Variants in LRRC1 observed in about 807,000 individuals in gnomAD.
LRRC1 encodes the protein leucine-rich repeat-containing protein 1.
LRRC1 carries 28 observed loss-of-function variants against 69.9 expected under a neutral mutation model. The ratio of observed to expected loss-of-function variants is 0.40; its 90% CI spans 0.30 to 0.55. LRRC1 has a LOEUF of 0.55. Among genes scored for constraint, LRRC1 ranks in the 20% least tolerant of loss-of-function variants. The probability of loss-of-function intolerance (pLI) is 0.47; values close to 1 mark genes in which losing one functional copy is unlikely to be tolerated. For missense variants in LRRC1, 498 were observed against 609.0 expected (o/e 0.82, Z 1.92); for synonymous variants, 236 against 240.2 (o/e 0.98, Z 0.16).
chr6:53,823,031 C>A (rs950011824), intron 1 of LRRC1, among the ~76,000 whole-genome samples: 4 of 152,170 alleles, frequency 2.6e-5, no homozygotes, highest in Admixed American at 6.6e-5. Flanking sequence ...ACACATCTCC[C>A]AACTTTAAGC....
intron 10 of LRRC1, among the ~76,000 whole-genome samples, chr6:53,905,819 T>G (rs1768215782): frequency 6.6e-6 from 1 of 152,244 alleles, no homozygotes; most frequent in African/African-American, 2.4e-5. Context: ...ATCCTTAATA[T>G]GAACACTGTC....
intron 11 of LRRC1, among the ~76,000 whole-genome samples, chr6:53,915,222 A>T (rs896964979): frequency 4.6e-5 from 7 of 152,156 alleles, no homozygotes; most frequent in Admixed American, 4.6e-4. Context: ...TTAGCTGGTC[A>T]TTTTGGTCAG....
intron 1 of LRRC1, among the ~76,000 whole-genome samples, chr6:53,825,418 C>T (rs934251125): frequency 5.9e-5 from 9 of 152,252 alleles, no homozygotes; most frequent in Admixed American, 1.3e-4. Context: ...GAGACTGGGG[C>T]GCCATGTCAG....
Position 53,795,014 on chromosome 6 carries a change from G to C in LRRC1, c.-243G>C, listed in dbSNP as rs1454354225. ...GCGCGGCGGCGGGGGCGGCGACGGC[G>C]ACTGGCGGGTGGGAGTGGAGGCACC... On this transcript the variant is annotated 5_prime_UTR_variant, in exon 1 of 14. Coordinates refer to ENST00000370888, the MANE Select transcript of LRRC1 (RefSeq NM_018214.5). 3 of 331,758 alleles carry C rather than the reference G, an allele frequency of 9.0e-6. No individual in the cohort carries two copies. The highest frequency in any genetic ancestry group is 6.6e-5 in the African/African-American group (3 of 45,478). 20.6% of individuals were successfully genotyped at this position (331,758 alleles called of 1,614,324 possible). A position where few individuals can be genotyped will look rare whatever the true frequency, so the allele number is the denominator to read the frequency against.
chr6:53,867,117 C>T (rs993349996), intron 2 of LRRC1, among the ~76,000 whole-genome samples: 5 of 152,110 alleles, frequency 3.3e-5, no homozygotes, highest in East Asian at 3.9e-4. Context: ...TAAACTTGGA[C>T]GAGTCCCTTA....
chr6:53,797,236 G>C (rs1764328343), intron 1 of LRRC1, among the ~76,000 whole-genome samples: 1 of 152,054 alleles, frequency 6.6e-6, no homozygotes, highest in South Asian at 2.1e-4. Context: ...TCAAAATATA[G>C]TCTGATGGCA....
chr6:53,835,063 A>G (rs183514089), intron 1 of LRRC1, among the ~76,000 whole-genome samples: 2 of 152,314 alleles, frequency 1.3e-5, no homozygotes, highest in East Asian at 1.9e-4. Context: ...ATGTCTACCA[A>G]TTCTGTGCAT....
At chr6:53,796,947 T>A (rs898883081) in intron 1 of LRRC1, among the ~76,000 whole-genome samples, 1 of 152,216 alleles carries the variant, frequency 6.6e-6, no homozygotes, top group Non-Finnish European at 1.5e-5. Context: ...TGTAATTTAA[T>A]AGTTTTCAGG....
chr6:53,836,048 C>T (rs985547804), intron 1 of LRRC1, among the ~76,000 whole-genome samples: 1 of 152,140 alleles, frequency 6.6e-6, no homozygotes, highest in Non-Finnish European at 1.5e-5. Context: ...TTGCCGTTGC[C>T]CTTTTTGAAT....
At chr6:53,802,845 A>G (rs1764525297) in intron 1 of LRRC1, among the ~76,000 whole-genome samples, 1 of 152,230 alleles carries the variant, frequency 6.6e-6, no homozygotes, top group Admixed American at 6.5e-5. Flanking sequence ...ATTCTAGAGT[A>G]ACTTGAAACT....
rs536135206 is a variant in LRRC1 at position 53,904,010 on chromosome 6, G to A, written c.907-369G>A. On this transcript the variant is annotated intron_variant, in intron 9 of 13. Coordinates refer to ENST00000370888, the MANE Select transcript of LRRC1 (RefSeq NM_018214.5). ...CCTGCCCCAGTGCTCTGGCTTCCAC[G>A]GACATCTAAGCCACTGTCCCAGTGT... is the stretch of plus-strand genomic sequence containing the variant. Among the ~76,000 whole-genome samples, 8 of 152,268 alleles carry A rather than the reference G, an allele frequency of 5.3e-5. 1 individual carries two copies. The South Asian group carries it at 1.5e-3, about 28-fold the overall frequency.
intron 2 of LRRC1, among the ~76,000 whole-genome samples, chr6:53,870,092 A>G (rs979539492): frequency 2.0e-5 from 3 of 152,170 alleles, no homozygotes; most frequent in Non-Finnish European, 4.4e-5. Context: ...TAGCCTGGAG[A>G]GAGAATTTAC....
At chr6:53,818,413 AAG>A in intron 1 of LRRC1, among the ~76,000 whole-genome samples, 1 of 152,346 alleles carries the variant, frequency 6.6e-6, no homozygotes. Context: ...AGAAAGGAAA[AAG>A]AAAAAGGAAA....
intron 1 of LRRC1, among the ~76,000 whole-genome samples, chr6:53,820,296 C>T (rs1765080730): frequency 6.6e-6 from 1 of 151,410 alleles, no homozygotes; most frequent in Non-Finnish European, 1.5e-5. Flanking sequence ...AGCAAGTTAA[C>T]TTCTTTGAGC....
chr6:53,896,048 A>T (rs1023592952), intron 4 of LRRC1, among the ~76,000 whole-genome samples: 1 of 152,188 alleles, frequency 6.6e-6, no homozygotes, highest in Non-Finnish European at 1.5e-5. Context: ...TAAAACAGGG[A>T]TGATCTCTCA....
chr6:53,798,493 C>A (rs1366141696), intron 1 of LRRC1, among the ~76,000 whole-genome samples: 4 of 152,248 alleles, frequency 2.6e-5, no homozygotes, highest in African/African-American at 9.6e-5. Flanking sequence ...ATTCTCCTGC[C>A]TCAGCCTCTC....
At chr6:53,819,679 C>G (rs1765058262) in intron 1 of LRRC1, among the ~76,000 whole-genome samples, 1 of 152,084 alleles carries the variant, frequency 6.6e-6, no homozygotes, top group Non-Finnish European at 1.5e-5. Context: ...CATGAACTCA[C>G]CCTACCCTAT....
At chr6:53,811,076 G>T (rs1764779668) in intron 1 of LRRC1, among the ~76,000 whole-genome samples, 1 of 152,140 alleles carries the variant, frequency 6.6e-6, no homozygotes, top group Non-Finnish European at 1.5e-5. Context: ...TGCTCAAAAA[G>T]CGTATTTTTT....
At chr6:53,852,628 C>T (rs1427159126) in intron 2 of LRRC1, among the ~76,000 whole-genome samples, 1 of 152,074 alleles carries the variant, frequency 6.6e-6, no homozygotes, top group East Asian at 1.9e-4. Flanking sequence ...ATAAGGAACC[C>T]AGGAGGAGAG....
Sources: allele counts gnomAD v4.1 joint callset (sites outside exome capture counted in the v4.1 genomes callset), GRCh38; gene constraint gnomAD v4.1.1; transcripts MANE v1.5; gene names NCBI Gene and HGNC (gene_info 2026-07-23, HGNC 2026-07-21).